The following CYLC1 variants were observed in gnomAD, a reference collection of about 807,000 sequenced individuals.
The protein encoded by CYLC1 is cylicin-1.
Under a neutral mutation model 31.6 loss-of-function variants are expected in CYLC1, and 2 were observed. The ratio of observed to expected loss-of-function variants is 0.06; its 90% CI spans 0.03 to 0.20. CYLC1 has a LOEUF of 0.20. Ranked by LOEUF, CYLC1 falls within the 10% of genes least tolerant of loss-of-function variation. The pLI is 1.00. For missense variants in CYLC1, 595 were observed against 424.1 expected (o/e 1.40, Z -3.54); for synonymous variants, 185 against 153.0 (o/e 1.21, Z -1.54).
chrX:83,873,219 C>A lies in CYLC1; in HGVS notation c.511C>A (p.Gln171Lys), dbSNP rs770600914. The change falls in exon 4 of 5, where the codon CAA becomes AAA. Residue 171 changes from glutamine (Q) to lysine (K), a missense_variant. Gln to Lys is a moderately conservative substitution (Grantham distance 53). Transcript: ENST00000329312. ...TPLKSSHENEQSKKSKSSSET... is the reference protein window; with the variant it reads ...TPLKSSHENEKSKKSKSSSET... ...CTTAAAATCATCACATGAAAATGAA[C>A]AATCCAAGAAGTCAAAATCCAGTTC... 2.3e-5 allele frequency: 28 copies of A among 1,200,578 alleles called. No individual in the cohort carries two copies. Among genetic ancestry groups the A allele is most frequent in the Non-Finnish European group, 2.9e-5 (26 of 890,310 alleles).
intron 4 of CYLC1, among the ~76,000 whole-genome samples, chrX:83,877,036 A>C (rs1035940999): frequency 2.7e-5 from 3 of 111,147 alleles, no homozygotes; most frequent in Non-Finnish European, 5.7e-5. Context: ...AAAATGTTTA[A>C]ATAATATTTT....
intron 4 of CYLC1, among the ~76,000 whole-genome samples, chrX:83,883,800 G>C (rs1339804888): frequency 9.0e-6 from 1 of 111,491 alleles, no homozygotes; most frequent in African/African-American, 3.3e-5. Context: ...TTTGTTAGAG[G>C]ACTACCAAAA....
intron 4 of CYLC1, among the ~76,000 whole-genome samples, chrX:83,877,510 T>C (rs1370658842): frequency 9.0e-6 from 1 of 110,820 alleles, no homozygotes; most frequent in East Asian, 2.8e-4. Flanking sequence ...TTTTCTCTTG[T>C]CATCTAGCCA....
At chrX:83,882,310 A>G (rs1297772751) in intron 4 of CYLC1, among the ~76,000 whole-genome samples, 1 of 110,508 alleles carries the variant, frequency 9.0e-6, no homozygotes, top group African/African-American at 3.3e-5. Flanking sequence ...TTTGTTTTTA[A>G]TATATTTGCC....
In CYLC1 at chrX:83,861,192, C is replaced by T; in HGVS notation, c.10C>T (p.Pro4Ser). Reference sequence around the variant, plus strand: ...CGTACAGGCAGGGGAAATGTCTCTTCCAAGGTTGTAAGTCCTCTTTTTAAT... The same window carrying T: ...CGTACAGGCAGGGGAAATGTCTCTTTCAAGGTTGTAAGTCCTCTTTTTAAT... MSL[P>S]RLLKVNIRTY... is the part of the protein sequence containing the mutation. Residue 4 changes from proline to serine, a missense_variant, in exon 1 of 5, where the codon CCA (proline) becomes TCA (serine). Physicochemically the swap from Pro to Ser is moderately conservative, Grantham distance 74 (BLOSUM62 -1). Coordinates refer to ENST00000329312, the MANE Select transcript of CYLC1 (RefSeq NM_021118.3). The T allele has an allele frequency of 8.4e-7, 1 of 1,197,579 alleles. No individual in the cohort carries two copies. Among genetic ancestry groups the T allele is most frequent in the East Asian group, 3.0e-5 (1 of 33,545 alleles).
chrX:83,865,950 T>C (rs2031587176), intron 1 of CYLC1, among the ~76,000 whole-genome samples: 1 of 111,195 alleles, frequency 9.0e-6, no homozygotes, highest in African/African-American at 3.3e-5. Context: ...CCCCAAATAT[T>C]CATGTCTATC....
intron 1 of CYLC1, among the ~76,000 whole-genome samples, chrX:83,864,002 T>C (rs1031563820): frequency 1.3e-4 from 15 of 111,741 alleles, no homozygotes; most frequent in Non-Finnish European, 2.6e-4. Flanking sequence ...GTGTGGCTTG[T>C]AGATGCATTA....
At chrX:83,885,409 G>C (rs2031967436) in intron 4 of CYLC1, among the ~76,000 whole-genome samples, 1 of 109,747 alleles carries the variant, frequency 9.1e-6, no homozygotes. Flanking sequence ...AAAATATATT[G>C]ACGATGATTA....
Position 83,871,496 on chromosome X carries a change from T to G in CYLC1, c.103T>G (p.Leu35Val), listed in dbSNP as rs770350213. The change falls in exon 3 of 5, where the codon TTG becomes GTG. Residue 35 changes from leucine (L) to valine (V), a missense_variant. Physicochemically the swap from Leu to Val is conservative, Grantham distance 32 (BLOSUM62 1). Coordinates refer to ENST00000329312, the MANE Select transcript of CYLC1 (RefSeq NM_021118.3). ...RKSWNQKHFA[L>V]TFPKPLQRGT... ...ATCATGGAATCAAAAACACTTTGCTTTGACATTTCCCAAACCACTCCAGAG... is the reference window on the plus strand; with the variant it reads ...ATCATGGAATCAAAAACACTTTGCTGTGACATTTCCCAAACCACTCCAGAG... The G allele has an allele frequency of 1.7e-6, 2 of 1,204,964 alleles. No homozygotes were observed. The highest frequency in any genetic ancestry group is 1.1e-6 in the Non-Finnish European group (1 of 891,905).
In CYLC1 at chrX:83,874,621, A is replaced by G; in HGVS notation, c.1913A>G (p.Tyr638Cys). The G allele has an allele frequency of 8.4e-7, 1 of 1,193,304 alleles. No homozygotes were observed. Among genetic ancestry groups the G allele is most frequent in the Non-Finnish European group, 1.1e-6 (1 of 888,049 alleles). Reference protein sequence around the residue: ...KMPPPPPKPRYAPLPEAPWIH... With the variant: ...KMPPPPPKPRCAPLPEAPWIH... The stretch of plus-strand genomic sequence containing the variant: ...CCTCCTCCACCTCCAAAACCAAGAT[A>G]TGCTCCTTTGGTAAGTTTACTACTG... The change falls in exon 4 of 5, where the codon TAT becomes TGT. Residue 638 changes from tyrosine to cysteine, a missense_variant. By Grantham distance (194) the Tyr-to-Cys change is radical (BLOSUM62 -2). Coordinates refer to ENST00000329312, the MANE Select transcript of CYLC1 (RefSeq NM_021118.3).
At chrX:83,872,445 A>G (rs2031678763) in intron 3 of CYLC1, among the ~76,000 whole-genome samples, 2 of 110,465 alleles carry the variant, frequency 1.8e-5, no homozygotes, top group African/African-American at 3.3e-5. Context: ...GGGTTTTACA[A>G]CTATTACAGG....
intron 3 of CYLC1, among the ~76,000 whole-genome samples, chrX:83,872,666 A>T (rs1304320755): frequency 9.3e-6 from 1 of 107,790 alleles, no homozygotes; most frequent in Non-Finnish European, 1.9e-5. Context: ...AATTCCCACT[A>T]AAGTCATTTT....
intron 1 of CYLC1, among the ~76,000 whole-genome samples, chrX:83,863,816 A>G (rs1444896987): frequency 4.5e-5 from 5 of 111,553 alleles, no homozygotes; most frequent in African/African-American, 6.5e-5. Context: ...CTAGTTTCCT[A>G]AGGCTACTGT....
intron 4 of CYLC1, among the ~76,000 whole-genome samples, chrX:83,880,143 G>A (rs761135948): frequency 1.8e-5 from 2 of 111,587 alleles, no homozygotes; most frequent in African/African-American, 6.5e-5. Flanking sequence ...TGTCTTCCTT[G>A]TTGTATTTTC....
At chrX:83,871,410 C>A in intron 2 of CYLC1, 42 bp from the exon 3 acceptor site, 1 of 1,011,976 alleles carries the variant, frequency 9.9e-7, no homozygotes, top group Non-Finnish European at 1.4e-6. Context: ...TGTGGAAAAT[C>A]TGACATTAAC....
rs2031728016 is a variant in CYLC1, at chrX:83,874,346, A to T, written c.1638A>T (p.Glu546Asp). Residue 546 changes from glutamate to aspartate, a missense_variant, in exon 4 of 5, where the codon GAA becomes GAT. Physicochemically the swap from Glu to Asp is conservative, Grantham distance 45. Transcript: ENST00000329312. ...TKIKGSDTES[E>D]ESLYKPGAKK... Reference sequence around the variant, plus strand: ...TCAAAGGTTCAGATACTGAATCTGAAGAGTCACTATATAAACCTGGGGCTA... The same window carrying T: ...TCAAAGGTTCAGATACTGAATCTGATGAGTCACTATATAAACCTGGGGCTA... 1 of 1,208,019 alleles carries T rather than the reference A, an allele frequency of 8.3e-7. No homozygotes were observed. Among genetic ancestry groups the T allele is most frequent in the South Asian group, 1.8e-5 (1 of 56,701 alleles).
rs1334995157 is a variant in CYLC1, at chrX:83,878,853, C to CT, written c.1923+4236dup. Among the ~76,000 whole-genome samples, 203 of 94,474 alleles carry CT rather than the reference C, an allele frequency of 2.1e-3. 1 individual carries two copies. The highest frequency in any genetic ancestry group is 5.5e-3 in the Middle Eastern group (1 of 181). 82.0% of individuals were successfully genotyped at this position (94,474 alleles called of 115,157 possible). ...TGAATCTTATGGAGTTTTCTCCTTC[C>CT]TTTTTTTTTTTTTTAATATGGGCTT... On this transcript the variant is annotated intron_variant, in intron 4 of 4. Coordinates refer to ENST00000329312, the MANE Select transcript of CYLC1 (RefSeq NM_021118.3).
Position 83,861,172 on chromosome X carries a change from A to C in CYLC1, c.-11A>C. On this transcript the variant is annotated 5_prime_UTR_variant, in exon 1 of 5. Transcript: ENST00000329312. ...CTATGCTCAAGTCCAGGCAACGTACAGGCAGGGGAAATGTCTCTTCCAAGG... is the reference window on the plus strand; with the variant it reads ...CTATGCTCAAGTCCAGGCAACGTACCGGCAGGGGAAATGTCTCTTCCAAGG... 1 of 1,200,809 alleles carries C rather than the reference A, an allele frequency of 8.3e-7. No individual in the cohort carries two copies. Among genetic ancestry groups the C allele is most frequent in the Non-Finnish European group, 1.1e-6 (1 of 888,149 alleles).
chrX:83,872,270 G>T (rs941329149), intron 3 of CYLC1, among the ~76,000 whole-genome samples: 2 of 111,085 alleles, frequency 1.8e-5, no homozygotes, highest in Non-Finnish European at 3.8e-5. Flanking sequence ...ATTTGGGTGA[G>T]ATTTGAAAAT....
Sources: gnomAD v4.1 joint callset for allele counts (sites outside exome capture counted in the v4.1 genomes callset) on GRCh38, gnomAD v4.1.1 for gene constraint, MANE v1.5 for transcripts, NCBI Gene and HGNC (gene_info 2026-07-23, HGNC 2026-07-21) for gene names.